DCAF1: variants seen among roughly 807,000 people sequenced by gnomAD.
The protein encoded by DCAF1 is DDB1- and CUL4-associated factor 1.
In DCAF1, 15 loss-of-function variants were observed where a neutral mutation model predicts 128.0. The ratio of observed to expected loss-of-function variants is 0.12; its 90% CI spans 0.08 to 0.18. The LOEUF (loss-of-function observed/expected upper bound fraction) is 0.18. DCAF1 is among the 10% of genes least tolerant of loss of function. DCAF1 has a pLI of 1.00. For missense variants in DCAF1, 988 were observed against 1,649.5 expected, an observed-to-expected ratio of 0.60 and a Z score of 6.95; for synonymous variants, 610 against 603.0, an observed-to-expected ratio of 1.01 and a Z score of -0.17.
upstream of DCAF1, among the ~76,000 whole-genome samples, chr3:51,501,930 T>C (rs1167299274): frequency 6.6e-6 from 1 of 152,162 alleles, no homozygotes; most frequent in Admixed American, 6.6e-5. Flanking sequence ...AGGGAAGATA[T>C]GGTTAATCAC....
intron 7 of DCAF1, among the ~76,000 whole-genome samples, chr3:51,442,656 G>A (rs1442387182): frequency 6.6e-6 from 1 of 151,854 alleles, no homozygotes; most frequent in Non-Finnish European, 1.5e-5. Context: ...CCGAGATCGC[G>A]TCATTGCACT....
intron 2 of DCAF1, among the ~76,000 whole-genome samples, chr3:51,488,429 G>A (rs1553656423): frequency 6.6e-6 from 1 of 152,170 alleles, no homozygotes; most frequent in African/African-American, 2.4e-5. Context: ...TGTAATCCCA[G>A]CACTTTGGGA....
chr3:51,397,340 G>A (rs895515513), downstream of DCAF1: 2 of 167,086 alleles, frequency 1.2e-5, no homozygotes, highest in Admixed American at 6.5e-5. Flanking sequence ...AGGGGCCTCT[G>A]AAGTATCTTT....
chr3:51,434,774 T>C (rs1456828609), intron 9 of DCAF1, among the ~76,000 whole-genome samples: 2 of 152,234 alleles, frequency 1.3e-5, no homozygotes, highest in African/African-American at 4.8e-5. Flanking sequence ...TTAAGGTTTT[T>C]TAACTGCCTG....
chr3:51,484,298 C>A (rs568506490), intron 2 of DCAF1, among the ~76,000 whole-genome samples: 1 of 152,014 alleles, frequency 6.6e-6, no homozygotes, highest in South Asian at 2.1e-4. Flanking sequence ...CATGATGAAA[C>A]CCTGTCTCTA....
intron 19 of DCAF1, 78 bp from the exon 20 acceptor site, chr3:51,414,121 C>T: frequency 6.9e-7 from 1 of 1,457,126 alleles, no homozygotes; most frequent in Non-Finnish European, 9.1e-7. Flanking sequence ...TAAAATATCA[C>T]TTTTTTTCCT....
chr3:51,433,054 G>C (rs1700527722), intron 10 of DCAF1, 52 bp downstream of exon 10: 2 of 398,040 alleles, frequency 5.0e-6, no homozygotes, highest in African/African-American at 4.1e-5. Context: ...ATCTTTTAAA[G>C]AGGTTATCCC....
chr3:51,465,863 A>G (rs1704075032), intron 5 of DCAF1, among the ~76,000 whole-genome samples: 1 of 152,056 alleles, frequency 6.6e-6, no homozygotes, highest in Admixed American at 6.6e-5. Flanking sequence ...AGGAGTACAA[A>G]AAAGGTTTTA....
At chr3:51,403,816 GC>G (rs1369341924) in intron 23 of DCAF1, among the ~76,000 whole-genome samples, 1 of 152,190 alleles carries the variant, frequency 6.6e-6, no homozygotes, top group Non-Finnish European at 1.5e-5. Flanking sequence ...GAACACAACT[GC>G]TCATTATCTC....
chr3:51,472,299 T>C (rs781910809), intron 3 of DCAF1, among the ~76,000 whole-genome samples: 3 of 152,184 alleles, frequency 2.0e-5, no homozygotes, highest in African/African-American at 4.8e-5. Flanking sequence ...TTTCCCACCA[T>C]CTAAGCCTCC....
At chr3:51,480,586 TAG>T (rs1420047612) in intron 3 of DCAF1, among the ~76,000 whole-genome samples, 13 of 116,794 alleles carry the variant, frequency 1.1e-4, no homozygotes, top group Non-Finnish European at 1.8e-4. Context: ...GCGACAGAGC[TAG>T]AGTCTGCCTC....
intron 3 of DCAF1, among the ~76,000 whole-genome samples, chr3:51,475,423 G>A (rs1425698088): frequency 6.6e-6 from 1 of 151,896 alleles, no homozygotes; most frequent in Non-Finnish European, 1.5e-5. Flanking sequence ...ACAATATAGT[G>A]AAATCCCCCC....
Position 51,420,108 on chromosome 3 carries a change from A to G in DCAF1, c.2862T>C (p.Ile954=). Residue 954 remains isoleucine, a synonymous_variant, in exon 15 of 25, where the codon ATT becomes ATC. Coordinates refer to ENST00000684031, the MANE Select transcript of DCAF1 (RefSeq NM_001387579.1). This position sits in a 1 kb window ranked among gnomAD's most constrained non-coding sequence, Gnocchi z 6.5. ...TCTCTCTGATAAAACTGATTCTACC[A>G]ATCAAAGGGGAGTTGCCTGCATAAG... The part of the protein sequence containing the change: ...GPSYAGNSPL[I]GRISFIRERP... 6.2e-7 allele frequency: 1 copy of G among 1,613,946 alleles called. No individual in the cohort carries two copies. The highest frequency in any genetic ancestry group is 8.5e-7 in the Non-Finnish European group (1 of 1,179,878).
Position 51,470,910 on chromosome 3 carries a change from T to G in DCAF1, c.187+19A>C. 6.5e-7 allele frequency: 1 copy of G among 1,543,026 alleles called. No individual in the cohort carries two copies. Among genetic ancestry groups the G allele is most frequent in the Non-Finnish European group, 8.8e-7 (1 of 1,134,598 alleles). On this transcript the variant is annotated intron_variant, in intron 4 of 24. Transcript: ENST00000684031. ...TAAAAGAAAAAAAAAAGACCCACACTTAAGAGCACAAATCTTACCAGGATG... is the reference window on the plus strand; with the variant it reads ...TAAAAGAAAAAAAAAAGACCCACACGTAAGAGCACAAATCTTACCAGGATG...
intron 6 of DCAF1, among the ~76,000 whole-genome samples, chr3:51,461,382 G>C (rs1182011131): frequency 6.6e-6 from 1 of 152,218 alleles, no homozygotes; most frequent in African/African-American, 2.4e-5. Flanking sequence ...ACACCAGTTA[G>C]AATGGCAATC....
At chr3:51,474,444 A>G (rs1435991815) in intron 3 of DCAF1, among the ~76,000 whole-genome samples, 1 of 152,066 alleles carries the variant, frequency 6.6e-6, no homozygotes, top group Non-Finnish European at 1.5e-5. Flanking sequence ...AATAAATATA[A>G]AAGAGTTAAA....
At chr3:51,473,323 A>T (rs1341977048) in intron 3 of DCAF1, among the ~76,000 whole-genome samples, 1 of 151,118 alleles carries the variant, frequency 6.6e-6, no homozygotes, top group East Asian at 1.9e-4. Flanking sequence ...ACTCTATAAT[A>T]ATGACAAGCC....
chr3:51,470,851 G>GA (rs1227658997), intron 4 of DCAF1, 78 bp downstream of exon 4: 89 of 1,069,120 alleles, frequency 8.3e-5, no homozygotes, highest in East Asian at 8.1e-4. Flanking sequence ...TTTTAGAAAA[G>GA]AAAAAAAAGA....
intron 6 of DCAF1, among the ~76,000 whole-genome samples, chr3:51,462,806 T>C (rs1324963152): frequency 2.0e-5 from 3 of 151,368 alleles, no homozygotes; most frequent in African/African-American, 4.8e-5. Flanking sequence ...AAAATAACTA[T>C]TTTTAAATTT....
Sources: allele counts gnomAD v4.1 joint callset (sites outside exome capture counted in the v4.1 genomes callset), GRCh38; gene constraint gnomAD v4.1.1; non-coding constraint Gnocchi (gnomAD v3.1); transcripts MANE v1.5; gene names NCBI Gene and HGNC (gene_info 2026-07-23, HGNC 2026-07-21).